NHSL1: variants seen among roughly 807,000 people sequenced by gnomAD.
The protein encoded by NHSL1 is NHS-like protein 1.
Under a neutral mutation model 95.0 loss-of-function variants are expected in NHSL1, and 48 were observed. The observed-to-expected ratio is 0.51, with a 90% confidence interval of 0.40 to 0.64. The LOEUF is 0.64. Ranked by LOEUF, NHSL1 falls within the 30% of genes least tolerant of loss-of-function variation. The pLI is 0.00. For synonymous variants in NHSL1, 783 were observed against 833.9 expected (o/e 0.94, Z 1.05); for missense variants, 1,971 against 2,077.7 (o/e 0.95, Z 1.00).
At chr6:138,546,453 A>C (rs964913622), upstream of NHSL1, among the ~76,000 whole-genome samples, 13 of 145,406 alleles carry the variant, frequency 8.9e-5, no homozygotes, top group Non-Finnish European at 1.3e-4. Context: ...AAAAAAAAAA[A>C]AAAAAACTAG....
intron 1 of NHSL1, among the ~76,000 whole-genome samples, chr6:138,673,738 C>T (rs1480594588): frequency 6.6e-6 from 1 of 152,178 alleles, no homozygotes. Context: ...TCATGTTTGA[C>T]ATGTGAAGCT....
At chr6:138,484,669 T>TA (rs1779617756) in intron 2 of NHSL1, among the ~76,000 whole-genome samples, 1 of 152,170 alleles carries the variant, frequency 6.6e-6, no homozygotes, top group South Asian at 2.1e-4. Context: ...GTAGAAGGGT[T>TA]AAAAATAAAC....
At chr6:138,513,721 CA>C (rs1317000541) in intron 1 of NHSL1, among the ~76,000 whole-genome samples, 1 of 152,134 alleles carries the variant, frequency 6.6e-6, no homozygotes, top group East Asian at 1.9e-4. Context: ...ATTAATTTGC[CA>C]TTTCTTCAAG....
intron 1 of NHSL1, among the ~76,000 whole-genome samples, chr6:138,586,615 T>C (rs1440859061): frequency 2.0e-5 from 3 of 152,204 alleles, no homozygotes; most frequent in Non-Finnish European, 2.9e-5. Context: ...TAAAATCTAA[T>C]TTACTTAACT....
intron 1 of NHSL1, 24 bp from the exon 2 acceptor site, chr6:138,496,395 A>G (rs753384387): frequency 1.3e-6 from 2 of 1,549,290 alleles, no homozygotes. Context: ...GATAGAATAC[A>G]TTCAGGTGTC....
chr6:138,574,922 G>A (rs534616562), upstream of NHSL1, among the ~76,000 whole-genome samples: 17 of 151,896 alleles, frequency 1.1e-4, 1 homozygote, highest in East Asian at 7.7e-4. Flanking sequence ...TTTTGGAGAC[G>A]GAGTTTCCCT....
chr6:138,471,402 T>C (rs1333756261), intron 3 of NHSL1, among the ~76,000 whole-genome samples: 2 of 152,178 alleles, frequency 1.3e-5, no homozygotes, highest in South Asian at 2.1e-4. Flanking sequence ...ATTCACCTTC[T>C]GGTTTTCATT....
At chr6:138,529,122 CG>C (rs1782030658) in intron 1 of NHSL1, among the ~76,000 whole-genome samples, 1 of 152,124 alleles carries the variant, frequency 6.6e-6, no homozygotes, top group Non-Finnish European at 1.5e-5. Context: ...TTGATGTCTC[CG>C]CTGGGGCCTT....
intron 1 of NHSL1, among the ~76,000 whole-genome samples, chr6:138,566,614 T>TCTC (rs1783628686): frequency 1.3e-5 from 2 of 151,652 alleles, no homozygotes; most frequent in Non-Finnish European, 2.9e-5. Flanking sequence ...TTTCATAATT[T>TCTC]AAATGCCTCT....
intron 1 of NHSL1, among the ~76,000 whole-genome samples, chr6:138,670,627 C>G (rs1785353867): frequency 7.3e-6 from 1 of 136,320 alleles, no homozygotes; most frequent in East Asian, 2.2e-4. Flanking sequence ...GATCCCGCCA[C>G]TGCACTCCAG....
At position 138,430,584 on chromosome 6, in the gene NHSL1, T is replaced by G; in HGVS notation, c.3761A>C (p.His1254Pro). 1 of 1,550,546 alleles carries G rather than the reference T, an allele frequency of 6.4e-7. No homozygotes were observed. Among genetic ancestry groups the G allele is most frequent in the Non-Finnish European group, 8.7e-7 (1 of 1,146,122 alleles). The change falls in exon 6 of 8, where the codon CAT becomes CCT. Residue 1254 changes from histidine (H) to proline (P), a missense_variant. Physicochemically the swap from His to Pro is moderately conservative, Grantham distance 77. This residue lies in a region of NHSL1 where 1,602 missense variants were observed against 1,654.5 expected (regional missense o/e 0.97). Coordinates refer to ENST00000343505, the MANE Select transcript of NHSL1 (RefSeq NM_001144060.2). This position sits in a 1 kb window ranked among gnomAD's most constrained non-coding sequence, Gnocchi z 4.7. The part of the protein sequence containing the change: ...KESSAAQAGS[H>P]ATHPGTSVLE... ...AACCGAGGTGCCAGGGTGCGTGGCA[T>G]GAGAGCCAGCTTGGGCTGCAGAACT...
chr6:138,476,601 C>T (rs1461442146), intron 2 of NHSL1, among the ~76,000 whole-genome samples: 5 of 151,996 alleles, frequency 3.3e-5, no homozygotes, highest in South Asian at 2.1e-4. Context: ...CCGAGGCAGG[C>T]GGATCACCTG....
At position 138,431,186 on chromosome 6, in the gene NHSL1, C is replaced by T. The variant is rs569807469; in HGVS notation, c.3159G>A (p.Pro1053=). 57 of 1,546,704 alleles carry T rather than the reference C, an allele frequency of 3.7e-5. No individual in the cohort carries two copies. Among genetic ancestry groups the T allele is most frequent in the South Asian group, 2.5e-4 (21 of 83,766 alleles). ...TGCTGGTCTCCTCCTTGGTAGAAGG[C>T]GGCCTCAAGGATCCCCGGGAGGATT... ...QPESSRGSLR[P]PSTKEETSRP... is the part of the protein sequence containing the mutation. The change falls in exon 6 of 8, where the codon CCG becomes CCA. Residue 1053 remains proline (P), a synonymous_variant. Transcript: ENST00000343505. The surrounding 1 kb of genome is among the most constrained non-coding windows in gnomAD (Gnocchi z 4.0).
intron 1 of NHSL1, among the ~76,000 whole-genome samples, chr6:138,519,654 G>A (rs1321040217): frequency 1.3e-5 from 2 of 152,154 alleles, no homozygotes; most frequent in African/African-American, 4.8e-5. Flanking sequence ...CACAGTGTCT[G>A]CAGGTTGCTG....
intron 1 of NHSL1, among the ~76,000 whole-genome samples, chr6:138,682,842 T>G (rs954438575): frequency 6.6e-6 from 1 of 152,146 alleles, no homozygotes; most frequent in Non-Finnish European, 1.5e-5. Context: ...AAGCTCCCAG[T>G]GACTCCGATG....
At chr6:138,682,169 T>G (rs1016085104) in intron 1 of NHSL1, among the ~76,000 whole-genome samples, 2 of 152,142 alleles carry the variant, frequency 1.3e-5, no homozygotes, top group African/African-American at 4.8e-5. Flanking sequence ...ATATGGGGTT[T>G]CACCATGTTG....
At chr6:138,692,708 C>T (rs1785698334), upstream of NHSL1, 1 of 151,774 alleles carries the variant, frequency 6.6e-6, no homozygotes, top group South Asian at 2.1e-4. The surrounding 1 kb of genome is among the most constrained non-coding windows in gnomAD (Gnocchi z 4.0). Context: ...CCCCGGCCCC[C>T]GCCGCCTCGG....
chr6:138,670,898 G>A (rs563712814), intron 1 of NHSL1, among the ~76,000 whole-genome samples: 1 of 151,488 alleles, frequency 6.6e-6, no homozygotes, highest in Non-Finnish European at 1.5e-5. Context: ...CTCAATGCCT[G>A]TAATCCCAGC....
rs185331467 is a variant in NHSL1 at position 138,427,879 on chromosome 6, C to T, written c.4085+1832G>A. Among the ~76,000 whole-genome samples the T allele has an allele frequency of 4.1e-3, 626 of 152,328 alleles. 5 individuals carry two copies. The highest frequency in any genetic ancestry group is 9.3e-3 in the Admixed American group (142 of 15,304). Reference sequence around the variant, plus strand: ...TATGTCTGCTAATTTATTCTCAACGCTACAACAGAAATTAGCATATGTCCT... The same window carrying T: ...TATGTCTGCTAATTTATTCTCAACGTTACAACAGAAATTAGCATATGTCCT... On this transcript the variant is annotated intron_variant, in intron 7 of 7. Transcript: ENST00000343505.
Sources: gnomAD v4.1 joint callset for allele counts (sites outside exome capture counted in the v4.1 genomes callset) on GRCh38, gnomAD v4.1.1 for gene constraint, gnomAD v4.1.1 regional missense constraint, Gnocchi (gnomAD v3.1) non-coding constraint, MANE v1.5 for transcripts, NCBI Gene and HGNC (gene_info 2026-07-23, HGNC 2026-07-21) for gene names.